Variants in CAMK4 observed in about 807,000 individuals in gnomAD.
The protein encoded by CAMK4 is calcium/calmodulin-dependent protein kinase type IV.
A neutral mutation model predicts 44.9 loss-of-function variants in CAMK4; 22 were observed. The ratio of observed to expected loss-of-function variants is 0.49; its 90% CI spans 0.35 to 0.70. CAMK4 has a LOEUF of 0.70. CAMK4 is among the 30% of genes least tolerant of loss of function. The probability of loss-of-function intolerance (pLI) is 0.01; values close to 1 mark genes in which losing one functional copy is unlikely to be tolerated. For missense variants in CAMK4, 498 were observed against 586.8 expected (o/e 0.85, Z 1.56); for synonymous variants, 218 against 215.4 (o/e 1.01, Z -0.11).
chr5:111,374,700 A>G, intron 2 of CAMK4, 150 bp from the exon 3 acceptor site: 1 of 611,456 alleles, frequency 1.6e-6, no homozygotes, highest in South Asian at 2.0e-5. Context: ...TGCAGCTGAA[A>G]AAGAAAGAGA....
At chr5:111,418,066 T>A (rs1186826442) in intron 5 of CAMK4, among the ~76,000 whole-genome samples, 3 of 152,104 alleles carry the variant, frequency 2.0e-5, no homozygotes, top group Non-Finnish European at 4.4e-5. Context: ...ATATATCTGT[T>A]GGGGAATCTG....
At chr5:111,253,259 A>T (rs1304490708) in intron 1 of CAMK4, among the ~76,000 whole-genome samples, 1 of 152,200 alleles carries the variant, frequency 6.6e-6, no homozygotes, top group Non-Finnish European at 1.5e-5. Flanking sequence ...TTCCTCTAAA[A>T]GGACCTTCGG....
intron 5 of CAMK4, among the ~76,000 whole-genome samples, chr5:111,430,773 C>T (rs1277832052): frequency 6.6e-6 from 1 of 151,984 alleles, no homozygotes; most frequent in South Asian, 2.1e-4. Context: ...ATAATTACAA[C>T]CATAAAATAC....
Position 111,238,808 on chromosome 5 carries a change from C to CTT in CAMK4, c.161+14191_161+14192dup, listed in dbSNP as rs57552178. 1.2e-3 allele frequency among the ~76,000 whole-genome samples: 55 copies of CTT among 45,936 alleles called. 4 individuals carry two copies. Among genetic ancestry groups the CTT allele is most frequent in the African/African-American group, 4.3e-3 (47 of 10,992 alleles). The allele number at this position is 45,936 out of a possible 152,430, so 30.1% of individuals were successfully genotyped here. ...CTAAAGCTGACTCTCAGAGGCTCTT[C>CTT]TTTTTTTTTTTTTTTTTTTTTTTTT... On this transcript the variant is annotated intron_variant, in intron 1 of 10. Coordinates refer to ENST00000282356, the MANE Select transcript of CAMK4 (RefSeq NM_001744.6).
rs968867862 is a variant in CAMK4, at chr5:111,312,859, G to A, written c.162-31165G>A. On this transcript the variant is annotated intron_variant, in intron 1 of 10. Transcript: ENST00000282356. ...GACAATCTTTGGAGCATTGGCTCCA[G>A]TATACATTTTGCAGACTTCACGTTT... is the stretch of plus-strand genomic sequence containing the variant. Among the ~76,000 whole-genome samples, 2 of 152,118 alleles carry A rather than the reference G, an allele frequency of 1.3e-5. 1 individual carries two copies. Among genetic ancestry groups the A allele is most frequent in the Admixed American group, 1.3e-4 (2 of 15,260 alleles).
chr5:111,399,231 C>T (rs549464739), intron 5 of CAMK4, among the ~76,000 whole-genome samples: 127 of 152,246 alleles, frequency 8.3e-4, no homozygotes, highest in South Asian at 3.9e-3. Flanking sequence ...AGTTAATTCC[C>T]ATCTCAGAGT....
chr5:111,412,179 A>C (rs1278361666), intron 5 of CAMK4, among the ~76,000 whole-genome samples: 1 of 152,222 alleles, frequency 6.6e-6, no homozygotes, highest in Non-Finnish European at 1.5e-5. Context: ...ATTTACAAAA[A>C]TGCAGGAAGA....
chr5:111,475,304 A>G (rs1315685583), intron 8 of CAMK4, among the ~76,000 whole-genome samples: 1 of 152,200 alleles, frequency 6.6e-6, no homozygotes, highest in African/African-American at 2.4e-5. Context: ...TGTACCAACA[A>G]TTGGTAGGTA....
chr5:111,360,010 G>C (rs560270225), intron 2 of CAMK4, among the ~76,000 whole-genome samples: 1 of 151,928 alleles, frequency 6.6e-6, no homozygotes, highest in Non-Finnish European at 1.5e-5. Context: ...AGGGGAATGT[G>C]GGTGAGTGTC....
chr5:111,405,485 A>AC (rs1024827030), intron 5 of CAMK4, among the ~76,000 whole-genome samples: 8 of 152,160 alleles, frequency 5.3e-5, no homozygotes, highest in Admixed American at 4.6e-4. Context: ...ACAAAACAAA[A>AC]AAAAAGACGA....
chr5:111,487,017 T>A lies in CAMK4; in HGVS notation c.*2551T>A, dbSNP rs1271250635. 6.6e-6 allele frequency: 1 copy of A among 152,196 alleles called. No individual in the cohort carries two copies. The highest frequency in any genetic ancestry group is 1.5e-5 in the Non-Finnish European group (1 of 68,030). The allele number at this position is 152,196 out of a possible 1,614,324, so 9.4% of individuals were successfully genotyped here. A position where few individuals can be genotyped will look rare whatever the true frequency, so the allele number is the denominator to read the frequency against. On this transcript the variant is annotated 3_prime_UTR_variant, in exon 11 of 11. Transcript: ENST00000282356. Reference sequence around the variant, plus strand: ...AAATTATTCAAAGATTTCATATACATACATCCTAAGTTAGGATAATTATGT... The same window carrying A: ...AAATTATTCAAAGATTTCATATACAAACATCCTAAGTTAGGATAATTATGT...
At chr5:111,274,165 T>C (rs1035286202) in intron 1 of CAMK4, among the ~76,000 whole-genome samples, 2 of 152,112 alleles carry the variant, frequency 1.3e-5, no homozygotes, top group African/African-American at 4.8e-5. Context: ...TCTTGCCTCA[T>C]TTCCTTACTT....
intron 1 of CAMK4, among the ~76,000 whole-genome samples, chr5:111,253,287 T>C (rs1041544891): frequency 2.6e-5 from 4 of 152,190 alleles, no homozygotes; most frequent in African/African-American, 9.6e-5. Context: ...CAGCTGCCCA[T>C]GGAGAAGACT....
At chr5:111,415,266 C>T (rs1752776218) in intron 5 of CAMK4, among the ~76,000 whole-genome samples, 1 of 152,202 alleles carries the variant, frequency 6.6e-6, no homozygotes, top group Non-Finnish European at 1.5e-5. Flanking sequence ...TCCCTCTGTC[C>T]AGCATATCCA....
At chr5:111,287,860 T>C (rs922794624) in intron 1 of CAMK4, among the ~76,000 whole-genome samples, 2 of 152,098 alleles carry the variant, frequency 1.3e-5, no homozygotes, top group African/African-American at 2.4e-5. Flanking sequence ...TAATGAAATA[T>C]TGTTAAGCAA....
intron 1 of CAMK4, among the ~76,000 whole-genome samples, chr5:111,281,286 A>G (rs1488057482): frequency 6.6e-6 from 1 of 152,176 alleles, no homozygotes; most frequent in African/African-American, 2.4e-5. Context: ...AAAGCCTGCT[A>G]CTGTAGTTCT....
chr5:111,260,373 C>T (rs1749922876), intron 1 of CAMK4, among the ~76,000 whole-genome samples: 1 of 152,174 alleles, frequency 6.6e-6, no homozygotes, highest in East Asian at 1.9e-4. Context: ...CCCACCTACA[C>T]CATGTCCGCT....
intron 7 of CAMK4, among the ~76,000 whole-genome samples, chr5:111,457,647 A>G (rs946227271): frequency 1.3e-5 from 2 of 152,256 alleles, no homozygotes; most frequent in African/African-American, 4.8e-5. Flanking sequence ...TGGGTTAGCC[A>G]ATAAGCTACA....
At chr5:111,287,797 A>G (rs1751300017) in intron 1 of CAMK4, among the ~76,000 whole-genome samples, 1 of 152,190 alleles carries the variant, frequency 6.6e-6, no homozygotes. Context: ...TAACCTTTTT[A>G]TTGCAAAAAC....
Sources: allele counts gnomAD v4.1 joint callset (sites outside exome capture counted in the v4.1 genomes callset), GRCh38; gene constraint gnomAD v4.1.1; transcripts MANE v1.5; gene names NCBI Gene and HGNC (gene_info 2026-07-23, HGNC 2026-07-21).